The following NSD2 variants were observed in gnomAD, a reference collection of about 807,000 sequenced individuals.
NSD2 encodes the protein nuclear receptor binding SET domain protein 2, also known as histone-lysine N-methyltransferase NSD2.
In NSD2, 12 loss-of-function variants were observed where a neutral mutation model predicts 139.0. The observed-to-expected ratio is 0.09, with a 90% CI of 0.06 to 0.14. The LOEUF (loss-of-function observed/expected upper bound fraction) is 0.14. Among genes scored for constraint, NSD2 ranks in the 10% least tolerant of loss-of-function variants. The pLI is 1.00. For missense variants in NSD2, 1,155 were observed against 1,745.0 expected, an observed-to-expected ratio of 0.66 and a Z score of 6.02; for synonymous variants, 669 against 648.7, an observed-to-expected ratio of 1.03 and a Z score of -0.48.
rs1727599891 is a variant in NSD2 at position 1,980,015 on chromosome 4, CTG to C, written c.*1109_*1110del. ...CCAGAGTGGCTTCCATCTCAGCACTCTGTGGGTCTGGTGATGGAAGATGCAGT... is the reference window on the plus strand; with the variant it reads ...CCAGAGTGGCTTCCATCTCAGCACTCTGGGTCTGGTGATGGAAGATGCAGT... On this transcript the variant is annotated 3_prime_UTR_variant, in exon 22 of 22. Transcript: ENST00000508803. 4 of 232,862 alleles carry C rather than the reference CTG, an allele frequency of 1.7e-5. No homozygotes were observed. Among genetic ancestry groups the C allele is most frequent in the South Asian group, 1.8e-4 (1 of 5,532 alleles). The allele number at this position is 232,862 out of a possible 1,614,324, so 14.4% of individuals were successfully genotyped here.
chr4:1,879,202 T>A (rs1433232271), intron 1 of NSD2, among the ~76,000 whole-genome samples: 1 of 152,156 alleles, frequency 6.6e-6, no homozygotes, highest in Non-Finnish European at 1.5e-5. Flanking sequence ...CAACACTTTT[T>A]AAAATTATTT....
intron 1 of NSD2, among the ~76,000 whole-genome samples, chr4:1,896,859 T>A (rs561742670): frequency 3.3e-4 from 50 of 151,990 alleles, no homozygotes; most frequent in African/African-American, 1.2e-3. Context: ...TCTTTCTCCT[T>A]GCCTTCCCCA....
chr4:1,916,232 C>T (rs897442303), intron 3 of NSD2, among the ~76,000 whole-genome samples: 29 of 152,170 alleles, frequency 1.9e-4, no homozygotes, highest in African/African-American at 6.5e-4. Flanking sequence ...TCCTTCACTG[C>T]CTCTCTCACT....
intron 1 of NSD2, among the ~76,000 whole-genome samples, chr4:1,891,649 G>A (rs982955397): frequency 7.9e-5 from 12 of 152,008 alleles, no homozygotes; most frequent in Middle Eastern, 3.4e-3. Flanking sequence ...TGAGGAGATC[G>A]AGACCATCCT....
chr4:1,955,769 C>T lies in NSD2; in HGVS notation c.2595C>T (p.Gly865=), dbSNP rs778426778. The T allele has an allele frequency of 1.9e-6, 3 of 1,614,156 alleles. No individual in the cohort carries two copies. The Admixed American group carries it at 5.0e-5, about 27-fold the overall frequency. Residue 865 remains glycine (G), a synonymous_variant, in exon 14 of 22, where the codon GGC becomes GGT. Coordinates refer to ENST00000508803, the MANE Select transcript of NSD2 (RefSeq NM_001042424.3). This position sits in a 1 kb window ranked among gnomAD's most constrained non-coding sequence, Gnocchi z 4.7. ...PDCLNIEMPD[G]SWFCNDCRAG... is the part of the protein sequence containing the mutation. ...GCCTGAACATCGAGATGCCTGACGG[C>T]AGCTGGTTCTGCAATGACTGCAGGG...
At chr4:1,903,216 C>G (rs898754123) in intron 2 of NSD2, among the ~76,000 whole-genome samples, 1 of 152,100 alleles carries the variant, frequency 6.6e-6, no homozygotes, top group African/African-American at 2.4e-5. Context: ...GAACAATTTA[C>G]TCATGTGTAT....
At chr4:1,943,241 A>G in intron 9 of NSD2, 6 of 1,041,554 alleles carry the variant, frequency 5.8e-6, no homozygotes, top group Non-Finnish European at 6.9e-6. Flanking sequence ...TCACAGTACC[A>G]TGCGAGTAGC....
chr4:1,896,653 C>T (rs1051100904), intron 1 of NSD2, among the ~76,000 whole-genome samples: 24 of 152,144 alleles, frequency 1.6e-4, no homozygotes, highest in Admixed American at 2.6e-4. Flanking sequence ...AGTAGTGAAC[C>T]ACTGTGCCCG....
At position 1,975,400 on chromosome 4, in the gene NSD2, G is replaced by C; in HGVS notation, c.3621G>C (p.Lys1207Asn). ...GTGGATTCCTCGGGGATAGACCAAA[G>C]GTAAGGCTGTGGCGCCCTCCTTCCC... ...NCSGFLGDRP[K>N]TSTTLSSEEK... Residue 1207 changes from lysine (K) to asparagine (N), a missense_variant and splice_region_variant, in exon 20 of 22, where the codon AAG becomes AAC. By Grantham distance (94) the Lys-to-Asn change is moderately conservative. Transcript: ENST00000508803. 6.2e-7 allele frequency: 1 copy of C among 1,613,976 alleles called. No homozygotes were observed. Among genetic ancestry groups the C allele is most frequent in the Non-Finnish European group, 8.5e-7 (1 of 1,179,894 alleles).
chr4:1,951,499 CACACACACACACACACACACACACAA>C (rs1347782426), intron 10 of NSD2, among the ~76,000 whole-genome samples: 76 of 131,464 alleles, frequency 5.8e-4, no homozygotes, highest in African/African-American at 1.3e-3. Context: ...CACACACACA[CACACACACACACACACACACACACAA>C]AGTTCCTGTT....
chr4:1,942,995 G>C lies in NSD2; in HGVS notation c.1881+3217G>C. On this transcript the variant is annotated intron_variant, in intron 9 of 21. Coordinates refer to ENST00000508803, the MANE Select transcript of NSD2 (RefSeq NM_001042424.3). This position sits in a 1 kb window ranked among gnomAD's most constrained non-coding sequence, Gnocchi z 4.0. ...TTTTTAGAAAAAAATACCATTTACA[G>C]TATTATTGTGAACCATTTAACCCTT... The C allele has an allele frequency of 9.5e-7, 1 of 1,051,174 alleles. No homozygotes were observed. Among genetic ancestry groups the C allele is most frequent in the Non-Finnish European group, 1.1e-6 (1 of 870,412 alleles). The allele number at this position is 1,051,174 out of a possible 1,614,324, so 65.1% of individuals were successfully genotyped here. A position where few individuals can be genotyped will look rare whatever the true frequency, so the allele number is the denominator to read the frequency against.
chr4:1,938,416 CTTTTTTTTTTTTTTTTTT>C lies in NSD2; in HGVS notation c.1675-27_1675-10del. The C allele has an allele frequency of 3.1e-6, 1 of 320,274 alleles. No homozygotes were observed. The highest frequency in any genetic ancestry group is 5.7e-5 in the South Asian group (1 of 17,468). The allele number at this position is 320,274 out of a possible 1,614,324, so 19.8% of individuals were successfully genotyped here. Reference sequence around the variant, plus strand: ...TTTTTCTTTTCTTTTTTTTTTCTTTCTTTTTTTTTTTTTTTTTTTTTTTTTAAATAATAGAGAGACACA... The same window carrying C: ...TTTTTCTTTTCTTTTTTTTTTCTTTCTTTTTTTAAATAATAGAGAGACACA... On this transcript the variant is annotated splice_polypyrimidine_tract_variant and intron_variant, in intron 7 of 21. Transcript: ENST00000508803.
intron 1 of NSD2, among the ~76,000 whole-genome samples, chr4:1,893,050 T>C (rs1042200183): frequency 3.3e-5 from 5 of 152,218 alleles, no homozygotes; most frequent in African/African-American, 2.4e-5. Context: ...ACAACAGCAC[T>C]TCTCCAGTAC....
chr4:1,930,615 C>T lies in NSD2; in HGVS notation c.1411-11C>T, dbSNP rs1042169447. The T allele has an allele frequency of 1.4e-5, 23 of 1,592,432 alleles. No homozygotes were observed. The highest frequency in any genetic ancestry group is 2.3e-5 in the South Asian group (2 of 87,710). On this transcript the variant is annotated splice_polypyrimidine_tract_variant and intron_variant, in intron 5 of 21. Coordinates refer to ENST00000508803, the MANE Select transcript of NSD2 (RefSeq NM_001042424.3). The stretch of plus-strand genomic sequence containing the variant: ...TTTAACTTCTCATTGCACCTTCTCC[C>T]GTTCCCACAGGTGGTAGCTGAGCAC...
chr4:1,952,836 C>A, intron 11 of NSD2: 7 of 1,239,310 alleles, frequency 5.6e-6, no homozygotes, highest in Non-Finnish European at 7.1e-6. Flanking sequence ...CTCACCGGGC[C>A]CAAGGAGTCT....
intron 5 of NSD2, among the ~76,000 whole-genome samples, chr4:1,929,191 A>AGGCAACAAGAG (rs1192040393): frequency 1.3e-5 from 2 of 151,988 alleles, no homozygotes; most frequent in Admixed American, 6.6e-5. Context: ...TGACTCATCC[A>AGGCAACAAGAG]GGCAACAAGA....
intron 1 of NSD2, among the ~76,000 whole-genome samples, chr4:1,895,426 C>T (rs1052779011): frequency 2.0e-5 from 3 of 152,186 alleles, no homozygotes; most frequent in Non-Finnish European, 2.9e-5. Context: ...TGGTTTTCAT[C>T]TCTTTATCAG....
At chr4:1,874,673 T>C (rs1714120140) in intron 1 of NSD2, among the ~76,000 whole-genome samples, 1 of 152,158 alleles carries the variant, frequency 6.6e-6, no homozygotes, top group South Asian at 2.1e-4. Flanking sequence ...ATTGCAAGTA[T>C]ATAAGTCCAA....
rs1419852882 is a variant in NSD2, at chr4:1,956,864, G to C, written c.2881+676G>C. Among the ~76,000 whole-genome samples, 1 of 152,238 alleles carries C rather than the reference G, an allele frequency of 6.6e-6. No individual in the cohort carries two copies. The highest frequency in any genetic ancestry group is 1.5e-5 in the Non-Finnish European group (1 of 68,046). ...CCTGTGTGACTGCAGGCGGGGACCC[G>C]CGTATTTAAAGCTTGGTTAGCTCCA... On this transcript the variant is annotated intron_variant, in intron 15 of 21. Coordinates refer to ENST00000508803, the MANE Select transcript of NSD2 (RefSeq NM_001042424.3). This position sits in a 1 kb window ranked among gnomAD's most constrained non-coding sequence, Gnocchi z 5.3.
Sources: allele counts gnomAD v4.1 joint callset (sites outside exome capture counted in the v4.1 genomes callset), GRCh38; gene constraint gnomAD v4.1.1; non-coding constraint Gnocchi (gnomAD v3.1); transcripts MANE v1.5; gene names NCBI Gene and HGNC (gene_info 2026-07-23, HGNC 2026-07-21).